PTPRK: variants seen among roughly 807,000 people sequenced by gnomAD.
PTPRK encodes the protein protein tyrosine phosphatase receptor type K.
A neutral mutation model predicts 178.0 loss-of-function variants in PTPRK; 75 were observed. That is an observed-to-expected ratio of 0.42 (90% CI 0.35 to 0.51). The LOEUF (loss-of-function observed/expected upper bound fraction) is 0.51. Ranked by LOEUF, PTPRK falls within the 20% of genes least tolerant of loss-of-function variation. The pLI, the probability that PTPRK is intolerant of heterozygous loss-of-function variation, is 0.02. For synonymous variants in PTPRK, 637 were observed against 620.6 expected, an observed-to-expected ratio of 1.03 and a Z score of -0.39; for missense variants, 1,441 against 1,797.8, an observed-to-expected ratio of 0.80 and a Z score of 3.59.
chr6:128,324,016 T>C (rs1829207676), intron 2 of PTPRK, among the ~76,000 whole-genome samples: 1 of 152,116 alleles, frequency 6.6e-6, no homozygotes, highest in Non-Finnish European at 1.5e-5. Context: ...AAGTCAATGG[T>C]TGATTTGGCA....
intron 2 of PTPRK, among the ~76,000 whole-genome samples, chr6:128,349,609 G>C (rs1832855460): frequency 6.6e-6 from 1 of 150,938 alleles, no homozygotes. Context: ...TTATAAGGGA[G>C]AGAAAGACAG....
intron 1 of PTPRK, among the ~76,000 whole-genome samples, chr6:128,450,794 G>A (rs927658013): frequency 1.3e-5 from 2 of 152,100 alleles, no homozygotes; most frequent in African/African-American, 4.8e-5. Context: ...AATCACAATC[G>A]TTATGTCATT....
chr6:128,489,270 A>C (rs1014662406), intron 1 of PTPRK, among the ~76,000 whole-genome samples: 5 of 152,246 alleles, frequency 3.3e-5, no homozygotes, highest in African/African-American at 1.2e-4. Context: ...ACTGATATGC[A>C]GAAATAGATA....
At chr6:128,076,378 T>C (rs975628124) in intron 11 of PTPRK, among the ~76,000 whole-genome samples, 1 of 152,110 alleles carries the variant, frequency 6.6e-6, no homozygotes, top group Admixed American at 6.6e-5. Flanking sequence ...AGGGCTCATC[T>C]GAAGCCAGAT....
intron 6 of PTPRK, among the ~76,000 whole-genome samples, chr6:128,218,248 C>T (rs1046137810): frequency 6.6e-6 from 1 of 152,124 alleles, no homozygotes; most frequent in Non-Finnish European, 1.5e-5. Flanking sequence ...ATCGTATCTC[C>T]AATATCTACA....
intron 13 of PTPRK, among the ~76,000 whole-genome samples, chr6:128,051,881 A>G (rs1345819201): frequency 2.0e-5 from 3 of 151,386 alleles, no homozygotes; most frequent in Non-Finnish European, 4.4e-5. Flanking sequence ...TTTTTTTTTT[A>G]ATCTCAGCCT....
At chr6:128,285,430 G>A (rs1031527862) in intron 3 of PTPRK, among the ~76,000 whole-genome samples, 3 of 151,514 alleles carry the variant, frequency 2.0e-5, no homozygotes, top group Non-Finnish European at 4.4e-5. Context: ...CAGAAGAATC[G>A]CTTGAACCTG....
chr6:128,248,355 T>G (rs1461957451), intron 3 of PTPRK, among the ~76,000 whole-genome samples: 1 of 152,218 alleles, frequency 6.6e-6, no homozygotes, highest in Non-Finnish European at 1.5e-5. Flanking sequence ...CATGTGAACC[T>G]TAAACATTGT....
intron 13 of PTPRK, among the ~76,000 whole-genome samples, chr6:128,019,749 A>G (rs975060820): frequency 3.9e-5 from 6 of 152,190 alleles, no homozygotes; most frequent in African/African-American, 1.4e-4. Context: ...TGTCTAGTAA[A>G]CAATAGACAA....
chr6:128,139,592 C>T (rs1795482998), intron 7 of PTPRK, among the ~76,000 whole-genome samples: 1 of 151,962 alleles, frequency 6.6e-6, no homozygotes, highest in South Asian at 2.1e-4. Context: ...GTCAATAAAT[C>T]TCTTTTCTCC....
intron 1 of PTPRK, among the ~76,000 whole-genome samples, chr6:128,418,377 C>G (rs904467491): frequency 6.6e-6 from 1 of 152,200 alleles, no homozygotes; most frequent in African/African-American, 2.4e-5. Context: ...AGGAACCCGG[C>G]TGCACAGCAG....
intron 1 of PTPRK, among the ~76,000 whole-genome samples, chr6:128,410,667 A>C (rs970217490): frequency 6.6e-6 from 1 of 152,184 alleles, no homozygotes; most frequent in Non-Finnish European, 1.5e-5. Context: ...AATGAGTGAA[A>C]GTCTACTGAA....
chr6:128,466,086 A>T (rs796884191), intron 1 of PTPRK, among the ~76,000 whole-genome samples: 3 of 152,314 alleles, frequency 2.0e-5, no homozygotes, highest in African/African-American at 7.2e-5. Context: ...AGCAAGTCAT[A>T]CTTGTTACTA....
intron 3 of PTPRK, among the ~76,000 whole-genome samples, chr6:128,302,827 G>A (rs544775168): frequency 1.3e-5 from 2 of 151,892 alleles, no homozygotes; most frequent in South Asian, 2.1e-4. Context: ...TTATGCTAAC[G>A]GCTCCTTAGT....
intron 2 of PTPRK, among the ~76,000 whole-genome samples, chr6:128,394,593 G>A (rs1562431027): frequency 6.6e-6 from 1 of 152,010 alleles, no homozygotes; most frequent in Non-Finnish European, 1.5e-5. Context: ...ATATGATTTG[G>A]GGACACTAGA....
At chr6:128,172,135 T>C (rs756055735) in intron 7 of PTPRK, among the ~76,000 whole-genome samples, 33 of 151,930 alleles carry the variant, frequency 2.2e-4, no homozygotes, top group Non-Finnish European at 4.3e-4. Flanking sequence ...GCTAAAAAAG[T>C]AGAAATCAAA....
intron 1 of PTPRK, among the ~76,000 whole-genome samples, chr6:128,412,992 C>G (rs1842470350): frequency 6.6e-6 from 1 of 152,184 alleles, no homozygotes; most frequent in Non-Finnish European, 1.5e-5. Context: ...GTTGGGAGAA[C>G]AAGGATGTGT....
At chr6:128,335,854 G>C (rs1160324207) in intron 2 of PTPRK, among the ~76,000 whole-genome samples, 8 of 151,960 alleles carry the variant, frequency 5.3e-5, no homozygotes, top group Non-Finnish European at 1.0e-4. Flanking sequence ...CAGCTTTAAT[G>C]GAATTAGTGG....
chr6:128,318,885 C>T lies in PTPRK; in HGVS notation c.495+3154G>A, dbSNP rs180949270. Among the ~76,000 whole-genome samples the T allele has an allele frequency of 3.9e-3, 593 of 152,220 alleles. 3 individuals carry two copies. The highest frequency in any genetic ancestry group is 0.013 in the African/African-American group (553 of 41,548). On this transcript the variant is annotated intron_variant, in intron 3 of 29. Transcript: ENST00000368226. ...TCTATTTAGCAATCAATTTAAGAATCTACAGTACTTATTTGTGGCCCATAA... is the reference window on the plus strand; with the variant it reads ...TCTATTTAGCAATCAATTTAAGAATTTACAGTACTTATTTGTGGCCCATAA...
Sources: gnomAD v4.1 joint callset for allele counts (sites outside exome capture counted in the v4.1 genomes callset) on GRCh38, gnomAD v4.1.1 for gene constraint, MANE v1.5 for transcripts, NCBI Gene and HGNC (gene_info 2026-07-23, HGNC 2026-07-21) for gene names.